Variants in GCNT2 observed in about 807,000 individuals in gnomAD.
GCNT2 encodes the protein glucosaminyl (N-acetyl) transferase 2 (I blood group), also known as N-acetyllactosaminide beta-1,6-N-acetylglucosaminyl-transferase.
GCNT2 carries 34 observed loss-of-function variants against 34.2 expected under a neutral mutation model. The ratio of observed to expected loss-of-function variants is 1.00; its 90% CI spans 0.76 to 1.32. The LOEUF (loss-of-function observed/expected upper bound fraction) is 1.32, where lower values mean the gene tolerates loss of function less well. GCNT2 is among the 40% of genes most tolerant of loss of function. GCNT2 has a pLI of 0.00. For synonymous variants in GCNT2, 212 were observed against 188.0 expected (o/e 1.13, Z -1.04); for missense variants, 584 against 489.4 (o/e 1.19, Z -1.82).
chr6:10,555,906 C>T (rs986980480), intron 3 of GCNT2: 5 of 1,002,078 alleles, frequency 5.0e-6, no homozygotes, highest in Non-Finnish European at 6.0e-6. Flanking sequence ...GGCTGTGGAT[C>T]CTTGCCACGA....
At position 10,555,434 on chromosome 6, in the gene GCNT2, C is replaced by G. The variant is rs543942013; in HGVS notation, c.925+25598C>G. ...TTAACTGGGCAGGCATATGACACTT[C>G]TGAGCATTTGATGCCGTTCTCTGGG... On this transcript the variant is annotated intron_variant, in intron 3 of 4. Coordinates refer to ENST00000495262, the MANE Select transcript of GCNT2 (RefSeq NM_145649.5). Among the ~76,000 whole-genome samples, 41 of 152,274 alleles carry G rather than the reference C, an allele frequency of 2.7e-4. 1 individual carries two copies. In the South Asian group the frequency reaches 8.1e-3, roughly 30 times the overall value.
At chr6:10,575,606 C>T (rs1037626745) in intron 3 of GCNT2, among the ~76,000 whole-genome samples, 11 of 152,148 alleles carry the variant, frequency 7.2e-5, no homozygotes, top group African/African-American at 1.4e-4. Context: ...GTGACTTGCA[C>T]GTATATGCCC....
At chr6:10,546,860 A>G (rs2113617458) in intron 3 of GCNT2, among the ~76,000 whole-genome samples, 1 of 152,264 alleles carries the variant, frequency 6.6e-6, no homozygotes, top group East Asian at 1.9e-4. Flanking sequence ...CCTTCTCTGT[A>G]TTACATCTTT....
intron 3 of GCNT2, among the ~76,000 whole-genome samples, chr6:10,581,023 A>C (rs1383779085): frequency 6.6e-6 from 1 of 152,224 alleles, no homozygotes; most frequent in East Asian, 1.9e-4. Flanking sequence ...TGGGCAGAGC[A>C]GAAATAATGC....
chr6:10,541,672 T>G (rs1283230875), intron 3 of GCNT2, among the ~76,000 whole-genome samples: 2 of 152,176 alleles, frequency 1.3e-5, no homozygotes, highest in Non-Finnish European at 2.9e-5. Flanking sequence ...TTGATTTGGC[T>G]TCAACTTGAA....
At chr6:10,605,156 A>G (rs1765253644) in intron 3 of GCNT2, among the ~76,000 whole-genome samples, 1 of 151,878 alleles carries the variant, frequency 6.6e-6, no homozygotes, top group Admixed American at 6.6e-5. Context: ...TTAAAACAAA[A>G]AACAAAAAAC....
chr6:10,530,704 CTA>C (rs1293659139), intron 3 of GCNT2, among the ~76,000 whole-genome samples: 1 of 151,874 alleles, frequency 6.6e-6, no homozygotes, highest in Non-Finnish European at 1.5e-5. Context: ...GACACTGTCT[CTA>C]TTTTTTTTCA....
rs756585857 is a variant in GCNT2 at position 10,556,493 on chromosome 6, G to C, written c.925+26657G>C. 1.9e-6 allele frequency: 3 copies of C among 1,614,032 alleles called. No individual in the cohort carries two copies. In the South Asian group the frequency reaches 3.3e-5, roughly 18 times the overall value. On this transcript the variant is annotated intron_variant, in intron 3 of 4. Coordinates refer to ENST00000495262, the MANE Select transcript of GCNT2 (RefSeq NM_145649.5). ...TGTAATTATTTTTATCGTCTTCTCTGTGTTCAATTTTGGGGGAGATCCAAG... is the reference window on the plus strand; with the variant it reads ...TGTAATTATTTTTATCGTCTTCTCTCTGTTCAATTTTGGGGGAGATCCAAG...
At chr6:10,545,050 T>C (rs1305382077) in intron 3 of GCNT2, among the ~76,000 whole-genome samples, 2 of 152,230 alleles carry the variant, frequency 1.3e-5, no homozygotes, top group Non-Finnish European at 2.9e-5. Context: ...GTAGTTACTA[T>C]GATTAGATTC....
chr6:10,527,956 C>T (rs1262104143), intron 2 of GCNT2, among the ~76,000 whole-genome samples: 3 of 152,186 alleles, frequency 2.0e-5, no homozygotes, highest in African/African-American at 7.2e-5. Flanking sequence ...AGATGCTCTT[C>T]TCTCCTTCCT....
intron 3 of GCNT2, among the ~76,000 whole-genome samples, chr6:10,598,747 T>C (rs888056476): frequency 1.3e-5 from 2 of 152,218 alleles, no homozygotes; most frequent in Non-Finnish European, 2.9e-5. Flanking sequence ...GTGTATTCAG[T>C]GCTGGGGAGG....
rs778485764 is a variant in GCNT2, at chr6:10,529,536, G to A, written c.625G>A (p.Gly209Arg). The change falls in exon 3 of 5, where the codon GGA (glycine) becomes AGA (arginine). Residue 209 changes from glycine (G) to arginine (R), a missense_variant. By Grantham distance (125) the Gly-to-Arg change is moderately radical (BLOSUM62 -2). Transcript: ENST00000495262. ...TNREIVQYLK[G>R]FKGKNITPGV... ...CAGGGAAATAGTTCAGTATCTGAAGGGATTTAAAGGGAAAAATATCACCCC... is the reference window on the plus strand; with the variant it reads ...CAGGGAAATAGTTCAGTATCTGAAGAGATTTAAAGGGAAAAATATCACCCC... 1 of 1,614,066 alleles carries A rather than the reference G, an allele frequency of 6.2e-7. No homozygotes were observed. The highest frequency in any genetic ancestry group is 1.1e-5 in the South Asian group (1 of 91,076).
intron 3 of GCNT2, among the ~76,000 whole-genome samples, chr6:10,611,722 T>C (rs182647193): frequency 2.4e-3 from 361 of 147,564 alleles, no homozygotes; most frequent in African/African-American, 9.0e-3. Context: ...CATTTGGTAA[T>C]TTTCCATTTT....
intron 3 of GCNT2, among the ~76,000 whole-genome samples, chr6:10,582,267 A>AT (rs1351731509): frequency 8.8e-6 from 1 of 113,076 alleles, no homozygotes; most frequent in Non-Finnish European, 1.6e-5. Context: ...TATACTATAT[A>AT]TTAAATATAT....
At chr6:10,582,070 T>C (rs896506654) in intron 3 of GCNT2, 1 of 158,792 alleles carries the variant, frequency 6.3e-6, no homozygotes. Flanking sequence ...ATGTAATATA[T>C]ATTTTAAATA....
chr6:10,543,208 CT>C (rs751251675), intron 3 of GCNT2, among the ~76,000 whole-genome samples: 56 of 151,258 alleles, frequency 3.7e-4, no homozygotes, highest in African/African-American at 9.7e-4. Context: ...ACGCCCGGCC[CT>C]TTTTTTTAAA....
Position 10,590,397 on chromosome 6 carries a change from CA to C in GCNT2, c.926-30938del, listed in dbSNP as rs35949177. ...TGGGTGACAGAGTGAGACTCTGTCT[CA>C]AAAAAAAAAAAAAAATGCTAGGCTT... On this transcript the variant is annotated intron_variant, in intron 3 of 4. Coordinates refer to ENST00000495262, the MANE Select transcript of GCNT2 (RefSeq NM_145649.5). Among the ~76,000 whole-genome samples, 1,120 of 112,850 alleles carry C rather than the reference CA, an allele frequency of 9.9e-3. 7 individuals carry two copies. The highest frequency in any genetic ancestry group is 0.022 in the African/African-American group (703 of 31,546). The allele number at this position is 112,850 out of a possible 152,430, so 74.0% of individuals were successfully genotyped here.
intron 3 of GCNT2, among the ~76,000 whole-genome samples, chr6:10,602,831 G>C (rs1214303035): frequency 6.6e-6 from 1 of 152,132 alleles, no homozygotes; most frequent in Non-Finnish European, 1.5e-5. Context: ...AAATTTGTCT[G>C]GTGGAGTCAT....
chr6:10,588,760 G>GTGGTGTGTT (rs1249173904), intron 3 of GCNT2, among the ~76,000 whole-genome samples: 1 of 150,070 alleles, frequency 6.7e-6, no homozygotes, highest in Non-Finnish European at 1.5e-5. Flanking sequence ...TGGTGTGTGT[G>GTGGTGTGTT]TGGTGTGTTT....
Sources: allele counts gnomAD v4.1 joint callset (sites outside exome capture counted in the v4.1 genomes callset), GRCh38; gene constraint gnomAD v4.1.1; transcripts MANE v1.5; gene names NCBI Gene and HGNC (gene_info 2026-07-23, HGNC 2026-07-21).